Variants in TRPV4 observed in about 807,000 individuals in gnomAD.
TRPV4 encodes transient receptor potential cation channel subfamily V member 4, also known as OSM9-like transient receptor potential channel 4.
Under a neutral mutation model 84.1 loss-of-function variants are expected in TRPV4, and 58 were observed. That is an observed-to-expected ratio of 0.69 (90% CI 0.56 to 0.86). The LOEUF (loss-of-function observed/expected upper bound fraction) is 0.86. Among genes scored for constraint, TRPV4 ranks in the 40% least tolerant of loss-of-function variants. TRPV4 has a pLI of 0.00. For missense variants in TRPV4, 879 were observed against 1,181.1 expected (o/e 0.74, Z 3.75); for synonymous variants, 489 against 500.9 (o/e 0.98, Z 0.32).
chr12:109,829,606 A>G (rs909390723), intron 1 of TRPV4, among the ~76,000 whole-genome samples: 1 of 152,194 alleles, frequency 6.6e-6, no homozygotes, highest in Non-Finnish European at 1.5e-5. Context: ...GGGCCTGGGG[A>G]CAAGGGGAGC....
At chr12:109,789,645 C>T (rs1363105393) in intron 12 of TRPV4, among the ~76,000 whole-genome samples, 1 of 152,162 alleles carries the variant, frequency 6.6e-6, no homozygotes, top group Non-Finnish European at 1.5e-5. Context: ...CCTAAACCAG[C>T]CAGGGAGGGG....
chr12:109,806,368 T>TTA (rs1168827445), intron 3 of TRPV4, among the ~76,000 whole-genome samples: 4 of 144,302 alleles, frequency 2.8e-5, no homozygotes, highest in African/African-American at 1.1e-4. Context: ...CTTTTTTTTT[T>TTA]TTTTTTTTGT....
Position 109,828,707 on chromosome 12 carries a change from C to A in TRPV4, c.-32+4643G>T, listed in dbSNP as rs565065483. 1.2e-4 allele frequency among the ~76,000 whole-genome samples: 18 copies of A among 152,306 alleles called. No individual in the cohort carries two copies. The Middle Eastern group carries it at 0.017, about 144-fold the overall frequency. ...CTTTCCACGCAAGAAGCTAAGCTGGCCACTGGGCTTTTCGTGGACCCAAGG... is the reference window on the plus strand; with the variant it reads ...CTTTCCACGCAAGAAGCTAAGCTGGACACTGGGCTTTTCGTGGACCCAAGG... On this transcript the variant is annotated intron_variant, in intron 1 of 15. Transcript: ENST00000261740.
chr12:109,831,135 CGT>C (rs10572315), intron 1 of TRPV4, among the ~76,000 whole-genome samples: 70,562 of 151,842 alleles, frequency 0.46, 16,733 homozygotes, highest in South Asian at 0.62. Flanking sequence ...TTTCCAGTCA[CGT>C]CACAAACTCC....
At chr12:109,813,465 G>A (rs1415306365) in intron 2 of TRPV4, among the ~76,000 whole-genome samples, 3 of 152,158 alleles carry the variant, frequency 2.0e-5, no homozygotes, top group Non-Finnish European at 2.9e-5. Flanking sequence ...GTAAATAGTT[G>A]TATAAATGAG....
intron 3 of TRPV4, among the ~76,000 whole-genome samples, chr12:109,804,162 C>T (rs1025594375): frequency 6.6e-6 from 1 of 152,150 alleles, no homozygotes; most frequent in Non-Finnish European, 1.5e-5. Flanking sequence ...TTGGTACTAG[C>T]GGGTCCTTAA....
At chr12:109,792,330 C>T (rs1890097618) in intron 12 of TRPV4, 33 bp downstream of exon 12, 1 of 1,603,820 alleles carries the variant, frequency 6.2e-7, no homozygotes, top group Non-Finnish European at 8.5e-7. Context: ...TTGCACCACC[C>T]CTGCCAGGAC....
chr12:109,799,246 G>A (rs546503774), intron 5 of TRPV4, among the ~76,000 whole-genome samples: 11 of 151,224 alleles, frequency 7.3e-5, no homozygotes, highest in Admixed American at 4.0e-4. Flanking sequence ...TCCACCTCCC[G>A]GGTGCAAGCA....
chr12:109,788,949 A>C (rs1316997639), intron 12 of TRPV4, among the ~76,000 whole-genome samples: 3 of 151,218 alleles, frequency 2.0e-5, no homozygotes, highest in Non-Finnish European at 4.4e-5. Flanking sequence ...GGAAGAGGTT[A>C]TCTCTCTCTC....
At chr12:109,812,254 C>G (rs939310149) in intron 2 of TRPV4, among the ~76,000 whole-genome samples, 1 of 152,230 alleles carries the variant, frequency 6.6e-6, no homozygotes, top group Non-Finnish European at 1.5e-5. Context: ...TGGAGGCTCC[C>G]TGTCCCCAGC....
chr12:109,827,356 C>T (rs1892281137), intron 1 of TRPV4, among the ~76,000 whole-genome samples: 1 of 152,170 alleles, frequency 6.6e-6, no homozygotes, highest in South Asian at 2.1e-4. Context: ...GATGCCCTGC[C>T]TGGCTGGCTT....
intron 12 of TRPV4, 94 bp downstream of exon 12, chr12:109,792,265 AGAAC>A: frequency 3.6e-6 from 3 of 825,014 alleles, no homozygotes; most frequent in East Asian, 2.9e-5. Flanking sequence ...AAAAAAAAAA[AGAAC>A]TCAGCAAGGC....
At chr12:109,817,238 A>G (rs1042956897) in intron 1 of TRPV4, among the ~76,000 whole-genome samples, 2 of 151,990 alleles carry the variant, frequency 1.3e-5, no homozygotes, top group East Asian at 3.9e-4. Flanking sequence ...CATTGGCGGG[A>G]GGTGGATTAG....
At chr12:109,795,799 G>A (rs967208899) in intron 7 of TRPV4, among the ~76,000 whole-genome samples, 7 of 152,294 alleles carry the variant, frequency 4.6e-5, no homozygotes, top group Middle Eastern at 3.4e-3. Context: ...CCAGGCTGGA[G>A]TGCAGTGGCA....
chr12:109,832,004 G>A (rs1428019983), intron 1 of TRPV4, among the ~76,000 whole-genome samples: 1 of 152,218 alleles, frequency 6.6e-6, no homozygotes, highest in East Asian at 1.9e-4. Flanking sequence ...AAATGTTTGG[G>A]GCAACGACAA....
Position 109,800,769 on chromosome 12 carries a change from G to A in TRPV4, c.713-11C>T, listed in dbSNP as rs779810318. ...GCAGGGCTGTCTGACCTGGGGGCAG[G>A]GGACGGTCATCCAGGGTCCTGGCGG... is the stretch of plus-strand genomic sequence containing the variant. On this transcript the variant is annotated splice_polypyrimidine_tract_variant and intron_variant, in intron 4 of 15. Coordinates refer to ENST00000261740, the MANE Select transcript of TRPV4 (RefSeq NM_021625.5). 2.5e-6 allele frequency: 4 copies of A among 1,612,868 alleles called. No individual in the cohort carries two copies. The African/African-American group carries it at 5.3e-5, about 22-fold the overall frequency.
intron 2 of TRPV4, among the ~76,000 whole-genome samples, chr12:109,812,817 G>A (rs1592860408): frequency 6.6e-6 from 1 of 152,256 alleles, no homozygotes; most frequent in Admixed American, 6.5e-5. Flanking sequence ...AATGGTAGAT[G>A]AATGGAAGGT....
chr12:109,833,031 A>G (rs1048943893), intron 1 of TRPV4, among the ~76,000 whole-genome samples: 37 of 152,114 alleles, frequency 2.4e-4, no homozygotes, highest in African/African-American at 8.7e-4. Context: ...GGTGGGCTGC[A>G]AGGCTCCGGG....
chr12:109,792,628 C>T, intron 11 of TRPV4, 24 bp downstream of exon 11: 2 of 1,614,056 alleles, frequency 1.2e-6, no homozygotes, highest in Non-Finnish European at 1.7e-6. Flanking sequence ...ACACACGAGT[C>T]CAGAGGGTCC....
Sources: gnomAD v4.1 joint callset for allele counts (sites outside exome capture counted in the v4.1 genomes callset) on GRCh38, gnomAD v4.1.1 for gene constraint, MANE v1.5 for transcripts, NCBI Gene and HGNC (gene_info 2026-07-23, HGNC 2026-07-21) for gene names.